ANXA6: variants seen among roughly 807,000 people sequenced by gnomAD.
The protein encoded by ANXA6 is 67 kDa calelectrin.
In ANXA6, 71 loss-of-function variants were observed where a neutral mutation model predicts 95.4. The ratio of observed to expected loss-of-function variants is 0.74; its 90% CI spans 0.61 to 0.91. The LOEUF (loss-of-function observed/expected upper bound fraction) is 0.91, where lower values mean the gene tolerates loss of function less well. Among genes scored for constraint, ANXA6 ranks in the 40% least tolerant of loss-of-function variants. The pLI, the probability that ANXA6 is intolerant of heterozygous loss-of-function variation, is 0.00. For synonymous variants in ANXA6, 289 were observed against 315.9 expected, an observed-to-expected ratio of 0.91 and a Z score of 0.90; for missense variants, 830 against 876.4, an observed-to-expected ratio of 0.95 and a Z score of 0.67.
At chr5:151,108,700 T>C in intron 22 of ANXA6, 150 bp from the exon 23 acceptor site, 1 of 691,650 alleles carries the variant, frequency 1.4e-6, no homozygotes, top group Non-Finnish European at 2.6e-6. Flanking sequence ...CTAAATGCAT[T>C]GGGCAAGATC....
intron 5 of ANXA6, among the ~76,000 whole-genome samples, chr5:151,137,669 A>G (rs1046149129): frequency 9.2e-5 from 14 of 152,014 alleles, no homozygotes; most frequent in African/African-American, 3.4e-4. Context: ...GGTTGTTTAA[A>G]AGTATGTAGC....
intron 23 of ANXA6, among the ~76,000 whole-genome samples, chr5:151,107,875 GTGTA>G (rs1378496516): frequency 6.6e-6 from 1 of 152,090 alleles, no homozygotes; most frequent in Non-Finnish European, 1.5e-5. Flanking sequence ...TGCATCTAGC[GTGTA>G]TGTGTCTTGT....
At chr5:151,117,906 AG>A in intron 18 of ANXA6, 69 bp from the exon 19 acceptor site, 1 of 1,324,980 alleles carries the variant, frequency 7.5e-7, no homozygotes, top group Non-Finnish European at 1.1e-6. Context: ...AGGGAGGTCC[AG>A]GAAACTCAGG....
At chr5:151,105,156 C>G (rs1020819493) in intron 24 of ANXA6, 89 bp downstream of exon 24, 1 of 1,257,314 alleles carries the variant, frequency 8.0e-7, no homozygotes, top group African/African-American at 1.5e-5. Context: ...GCCAGGAATC[C>G]TGATCTGGGG....
intron 13 of ANXA6, among the ~76,000 whole-genome samples, chr5:151,126,850 A>G (rs1169773209): frequency 2.0e-5 from 3 of 152,010 alleles, no homozygotes; most frequent in African/African-American, 4.8e-5. Flanking sequence ...CCAAGTAGCT[A>G]GGATTACAGG....
intron 25 of ANXA6, among the ~76,000 whole-genome samples, 192 bp from the exon 26 acceptor site, chr5:151,101,699 A>G (rs527882438): frequency 3.3e-5 from 5 of 152,206 alleles, no homozygotes; most frequent in African/African-American, 1.2e-4. Flanking sequence ...GTTTATCCCC[A>G]GGAAGATATG....
In ANXA6 at chr5:151,127,751, G is replaced by A. The variant is rs552229588; in HGVS notation, c.977+430C>T. ...TTCTGCGCTGTGGCCTTCATCAGGG[G>A]CTTCCTCACAGGGTCTGCACCCAGA... On this transcript the variant is annotated intron_variant, in intron 13 of 25. Coordinates refer to ENST00000354546, the MANE Select transcript of ANXA6 (RefSeq NM_001155.5). Among the ~76,000 whole-genome samples the A allele has an allele frequency of 9.8e-5, 15 of 152,316 alleles. No homozygotes were observed. The South Asian group carries it at 2.9e-3, about 29-fold the overall frequency.
intron 1 of ANXA6, among the ~76,000 whole-genome samples, chr5:151,148,656 A>C (rs1007676559): frequency 1.3e-5 from 2 of 152,246 alleles, no homozygotes; most frequent in African/African-American, 4.8e-5. Flanking sequence ...TGCACTCATC[A>C]GGCTGAGATA....
In ANXA6 at chr5:151,119,447, T is replaced by C. The variant is rs1765100424; in HGVS notation, c.1348-57A>G. ...ATAGTTCTGACCTCCTGTGCAGAGG[T>C]CCATGGGGCCCGGACGGCTAAAGCT... is the stretch of plus-strand genomic sequence containing the variant. On this transcript the variant is annotated intron_variant, in intron 17 of 25. Transcript: ENST00000354546. The C allele has an allele frequency of 1.1e-5, 17 of 1,500,452 alleles. No homozygotes were observed. The South Asian group carries it at 1.9e-4, about 17-fold the overall frequency. 92.9% of individuals were successfully genotyped at this position (1,500,452 alleles called of 1,614,324 possible).
At chr5:151,110,195 C>T (rs1764811164) in intron 21 of ANXA6, among the ~76,000 whole-genome samples, 1 of 152,200 alleles carries the variant, frequency 6.6e-6, no homozygotes, top group African/African-American at 2.4e-5. Context: ...CTGCAAGCCC[C>T]TCTGGGAAGG....
At position 151,153,957 on chromosome 5, in the gene ANXA6, C is replaced by T. The variant is rs541928043; in HGVS notation, c.-26+3723G>A. ...CTTTCCTGCACCCCCTCCCATAGGG[C>T]GTGGCTCCTATGGATGGTTGGGGGT... On this transcript the variant is annotated intron_variant, in intron 1 of 25. Coordinates refer to ENST00000354546, the MANE Select transcript of ANXA6 (RefSeq NM_001155.5). 2.2e-4 allele frequency among the ~76,000 whole-genome samples: 33 copies of T among 152,200 alleles called. 1 individual carries two copies. The South Asian group carries it at 6.6e-3, about 31-fold the overall frequency.
chr5:151,125,086 AT>A (rs1765280398), intron 14 of ANXA6, among the ~76,000 whole-genome samples: 1 of 152,196 alleles, frequency 6.6e-6, no homozygotes, highest in Non-Finnish European at 1.5e-5. Flanking sequence ...GCTTGGCACA[AT>A]GGCTCATGCC....
chr5:151,128,292 G>A, intron 12 of ANXA6, 53 bp from the exon 13 acceptor site: 1 of 1,493,482 alleles, frequency 6.7e-7, no homozygotes, highest in Non-Finnish European at 9.1e-7. Flanking sequence ...GCTCCTCTCA[G>A]ACAAGGAGGT....
rs1209902736 is a variant in ANXA6 at position 151,122,913 on chromosome 5, T to C, written c.1233+4A>G. 6.8e-6 allele frequency: 11 copies of C among 1,613,696 alleles called. No homozygotes were observed. The highest frequency in any genetic ancestry group is 7.6e-6 in the Non-Finnish European group (9 of 1,179,666). On this transcript the variant is annotated splice_donor_region_variant and intron_variant, in intron 16 of 25. Transcript: ENST00000354546. ...GCACAGAGAGCCCAGGAGGAGGTCCTTACCCGGCCAAAGTGAGACTTGAAG... is the reference window on the plus strand; with the variant it reads ...GCACAGAGAGCCCAGGAGGAGGTCCCTACCCGGCCAAAGTGAGACTTGAAG...
intron 1 of ANXA6, among the ~76,000 whole-genome samples, chr5:151,149,931 C>T (rs1224783576): frequency 6.6e-6 from 1 of 151,998 alleles, no homozygotes; most frequent in Non-Finnish European, 1.5e-5. Context: ...CCAGCCTGGC[C>T]AACATGCGAA....
intron 1 of ANXA6, among the ~76,000 whole-genome samples, chr5:151,152,145 G>C (rs1561587592): frequency 6.6e-6 from 1 of 152,212 alleles, no homozygotes; most frequent in Non-Finnish European, 1.5e-5. Flanking sequence ...CACAGATGTT[G>C]CCCAGCAGTT....
chr5:151,120,416 C>A (rs1329113385), intron 17 of ANXA6, among the ~76,000 whole-genome samples: 187 of 131,864 alleles, frequency 1.4e-3, no homozygotes, highest in Non-Finnish European at 1.4e-3. Flanking sequence ...GCTACAACTA[C>A]AAAAAAAAAA....
At chr5:151,156,520 A>G (rs62379701) in intron 1 of ANXA6, among the ~76,000 whole-genome samples, 14,163 of 152,214 alleles carry the variant, frequency 0.093, 826 homozygotes, top group South Asian at 0.17. Flanking sequence ...CAGTGGAAGC[A>G]ATCCCAAGCA....
In ANXA6 at chr5:151,131,259, A is replaced by G; in HGVS notation, c.767T>C (p.Phe256Ser). ...VKCIRSTPEY[F>S]AERLFKAMKG... ...CATAGCCTTGAAGAGCCTTTCAGCA[A>G]AATATTCCGGGGTGCTCCGGATACA... Residue 256 changes from phenylalanine (F) to serine (S), a missense_variant, in exon 11 of 26, where the codon TTT becomes TCT. Phe to Ser is a radical substitution (Grantham distance 155, BLOSUM62 -2). Transcript: ENST00000354546. 1.2e-6 allele frequency: 2 copies of G among 1,614,034 alleles called. No individual in the cohort carries two copies. The highest frequency in any genetic ancestry group is 1.7e-6 in the Non-Finnish European group (2 of 1,179,892).
Sources: allele counts gnomAD v4.1 joint callset (sites outside exome capture counted in the v4.1 genomes callset), GRCh38; gene constraint gnomAD v4.1.1; transcripts MANE v1.5; gene names NCBI Gene and HGNC (gene_info 2026-07-23, HGNC 2026-07-21).